The following SUB1 variants were observed in gnomAD, a reference collection of about 807,000 sequenced individuals.
SUB1 encodes SUB1 regulator of transcription.
A neutral mutation model predicts 16.9 loss-of-function variants in SUB1; 1 was observed. The ratio of observed to expected loss-of-function variants is 0.06; its 90% CI spans 0.02 to 0.28. SUB1 has a LOEUF of 0.28. Ranked by LOEUF, SUB1 falls within the 10% of genes least tolerant of loss-of-function variation. The pLI is 1.00. For synonymous variants in SUB1, 51 were observed against 46.9 expected, an observed-to-expected ratio of 1.09 and a Z score of -0.36; for missense variants, 84 against 145.2, an observed-to-expected ratio of 0.58 and a Z score of 2.16.
At position 32,596,021 on chromosome 5, in the gene SUB1, T is replaced by C. The variant is rs1738953779; in HGVS notation, c.196-2940T>C. On this transcript the variant is annotated intron_variant, in intron 3 of 4. Transcript: ENST00000265073. Reference sequence around the variant, plus strand: ...TTGAGTTGTAACACTTTATATATTTTGTCAGATGTAAGTATAATTAATATT... The same window carrying C: ...TTGAGTTGTAACACTTTATATATTTCGTCAGATGTAAGTATAATTAATATT... The C allele has an allele frequency of 3.9e-5, 6 of 152,194 alleles. No homozygotes were observed. The South Asian group carries it at 1.2e-3, about 32-fold the overall frequency. The allele number at this position is 152,194 out of a possible 1,614,324, so 9.4% of individuals were successfully genotyped here.
intron 3 of SUB1, among the ~76,000 whole-genome samples, chr5:32,591,976 G>A (rs1682833742): frequency 6.6e-6 from 1 of 152,196 alleles, no homozygotes; most frequent in Non-Finnish European, 1.5e-5. Context: ...GGGTTTACAG[G>A]TGTGAGCCAC....
chr5:32,589,782 T>C (rs1012130707), intron 2 of SUB1, among the ~76,000 whole-genome samples: 3 of 152,168 alleles, frequency 2.0e-5, no homozygotes, highest in Non-Finnish European at 4.4e-5. Flanking sequence ...CTTTGTAAAA[T>C]AGTAAGTAAT....
intron 3 of SUB1, 158 bp from the exon 4 acceptor site, chr5:32,598,803 A>T: frequency 1.8e-6 from 1 of 565,270 alleles, no homozygotes; most frequent in Non-Finnish European, 3.1e-6. Flanking sequence ...TATAAGTGGG[A>T]CCTGCACAGT....
rs17850527 is a variant in SUB1, at chr5:32,588,543, A to G, written c.31A>G (p.Ser11Gly). Reference protein sequence around the residue: MPKSKELVSSSSSGSDSDSEV... With the variant: MPKSKELVSSGSSGSDSDSEV... ...TAAATCAAAGGAACTTGTTTCTTCA[A>G]GCTCTTCTGGCAGTGATTCTGACAG... is the stretch of plus-strand genomic sequence containing the variant. The change falls in exon 2 of 5, where the codon AGC becomes GGC. Residue 11 changes from serine to glycine, a missense_variant. Around this residue, in one of 2 missense-constraint regions of SUB1, gnomAD observed 60 missense variants for 64.9 expected, o/e 0.92. Coordinates refer to ENST00000265073, the MANE Select transcript of SUB1 (RefSeq NM_006713.4). 2 of 1,613,182 alleles carry G rather than the reference A, an allele frequency of 1.2e-6. No homozygotes were observed. Among genetic ancestry groups the G allele is most frequent in the Non-Finnish European group, 8.5e-7 (1 of 1,179,566 alleles).
chr5:32,587,470 G>C (rs1738702153), intron 1 of SUB1, among the ~76,000 whole-genome samples: 1 of 152,144 alleles, frequency 6.6e-6, no homozygotes, highest in Non-Finnish European at 1.5e-5. Context: ...GAAGTTACCA[G>C]CATGGTAGGA....
rs569347157 is a variant in SUB1, at chr5:32,602,374, C to G, written c.*1290C>G. The G allele has an allele frequency of 3.2e-6, 1 of 317,080 alleles. No homozygotes were observed. Among genetic ancestry groups the G allele is most frequent in the African/African-American group, 2.2e-5 (1 of 46,066 alleles). The allele number at this position is 317,080 out of a possible 1,614,324, so 19.6% of individuals were successfully genotyped here. The stretch of plus-strand genomic sequence containing the variant: ...ATATGATATTTTGAGATTTTTATAA[C>G]AGCAGTGGAACACAATTCTAGGTAG... On this transcript the variant is annotated 3_prime_UTR_variant, in exon 5 of 5. Coordinates refer to ENST00000265073, the MANE Select transcript of SUB1 (RefSeq NM_006713.4).
chr5:32,591,474 T>A, intron 2 of SUB1, 89 bp from the exon 3 acceptor site: 1 of 1,437,620 alleles, frequency 7.0e-7, no homozygotes. Flanking sequence ...GTCTTTTGAT[T>A]GTTTAAATCT....
At chr5:32,600,496 AAAGT>A (rs1299909839) in intron 4 of SUB1, among the ~76,000 whole-genome samples, 2 of 152,244 alleles carry the variant, frequency 1.3e-5, no homozygotes, top group African/African-American at 4.8e-5. Flanking sequence ...TGCACTGTGG[AAAGT>A]AAGACTGGAT....
At chr5:32,600,487 G>A (rs1227786888) in intron 4 of SUB1, among the ~76,000 whole-genome samples, 2 of 152,194 alleles carry the variant, frequency 1.3e-5, no homozygotes, top group Non-Finnish European at 2.9e-5. Flanking sequence ...TATGCAGGAT[G>A]CACTGTGGAA....
At position 32,601,405 on chromosome 5, in the gene SUB1, T is replaced by G. The variant is rs1023495063; in HGVS notation, c.*321T>G. ...AAAAGTAACAGTTTTTATAGATCTT[T>G]TAGTTTCAACTCAGCTTTTACAATA... On this transcript the variant is annotated 3_prime_UTR_variant, in exon 5 of 5. Coordinates refer to ENST00000265073, the MANE Select transcript of SUB1 (RefSeq NM_006713.4). 1.0e-5 allele frequency: 2 copies of G among 200,594 alleles called. No homozygotes were observed. The highest frequency in any genetic ancestry group is 2.0e-5 in the Non-Finnish European group (2 of 100,738). The allele number at this position is 200,594 out of a possible 1,614,324, so 12.4% of individuals were successfully genotyped here.
chr5:32,597,430 CCT>C (rs1036949218), intron 3 of SUB1: 103 of 151,662 alleles, frequency 6.8e-4, no homozygotes, highest in African/African-American at 2.4e-3. Context: ...TTCCACCCCC[CCT>C]CTCCCATTTT....
rs186749563 is a variant in SUB1 at position 32,602,070 on chromosome 5, T to C, written c.*986T>C. The C allele has an allele frequency of 1.3e-5, 4 of 303,102 alleles. No homozygotes were observed. The highest frequency in any genetic ancestry group is 2.6e-5 in the Non-Finnish European group (4 of 151,842). 18.8% of individuals were successfully genotyped at this position (303,102 alleles called of 1,614,324 possible). On this transcript the variant is annotated 3_prime_UTR_variant, in exon 5 of 5. Coordinates refer to ENST00000265073, the MANE Select transcript of SUB1 (RefSeq NM_006713.4). ...TGGTTAGTTTGTAGGGAAAAGAGCA[T>C]ATGAGCACATGCTTGTGTATTTTGG...
chr5:32,592,001 G>A (rs1445767478), intron 3 of SUB1, among the ~76,000 whole-genome samples: 1 of 152,182 alleles, frequency 6.6e-6, no homozygotes, highest in Non-Finnish European at 1.5e-5. Context: ...CCTTGCCAAA[G>A]TTGGCTGTTT....
intron 4 of SUB1, among the ~76,000 whole-genome samples, chr5:32,599,291 A>C (rs1739057759): frequency 6.6e-6 from 1 of 152,214 alleles, no homozygotes; most frequent in Non-Finnish European, 1.5e-5. Flanking sequence ...TAACACCCCT[A>C]ATATCACTTC....
chr5:32,602,111 A>G lies in SUB1; in HGVS notation c.*1027A>G, dbSNP rs781049528. On this transcript the variant is annotated 3_prime_UTR_variant, in exon 5 of 5. Transcript: ENST00000265073. The stretch of plus-strand genomic sequence containing the variant: ...TGTATTTTGGCCTTTGCCCCAGTAG[A>G]ACAGACCAATGGCATTCTAGACTTG... The G allele has an allele frequency of 3.4e-5, 14 of 414,762 alleles. No individual in the cohort carries two copies. Among genetic ancestry groups the G allele is most frequent in the Non-Finnish European group, 5.7e-5 (12 of 208,730 alleles). The allele number at this position is 414,762 out of a possible 1,614,324, so 25.7% of individuals were successfully genotyped here.
intron 3 of SUB1, 37 bp downstream of exon 3, chr5:32,591,722 A>G (rs1738831967): frequency 7.0e-7 from 1 of 1,433,648 alleles, no homozygotes; most frequent in Non-Finnish European, 9.4e-7. Flanking sequence ...TTTTTTTGAC[A>G]TGGAGTCATG....
intron 2 of SUB1, 80 bp downstream of exon 2, chr5:32,588,664 G>A: frequency 7.2e-7 from 1 of 1,386,062 alleles, no homozygotes; most frequent in Non-Finnish European, 9.9e-7. Context: ...AGTAAAAGGT[G>A]TATTAACATC....
chr5:32,602,384 A>G lies in SUB1; in HGVS notation c.*1300A>G. 2 of 311,922 alleles carry G rather than the reference A, an allele frequency of 6.4e-6. No individual in the cohort carries two copies. Among genetic ancestry groups the G allele is most frequent in the Non-Finnish European group, 1.3e-5 (2 of 157,410 alleles). The allele number at this position is 311,922 out of a possible 1,614,324, so 19.3% of individuals were successfully genotyped here. Reference sequence around the variant, plus strand: ...TTGAGATTTTTATAACAGCAGTGGAACACAATTCTAGGTAGAGTAGAAAAA... The same window carrying G: ...TTGAGATTTTTATAACAGCAGTGGAGCACAATTCTAGGTAGAGTAGAAAAA... On this transcript the variant is annotated 3_prime_UTR_variant, in exon 5 of 5. Transcript: ENST00000265073.
chr5:32,599,875 C>T (rs1739073756), intron 4 of SUB1, among the ~76,000 whole-genome samples: 1 of 151,962 alleles, frequency 6.6e-6, no homozygotes, highest in Admixed American at 6.6e-5. Flanking sequence ...ATACTTTCTG[C>T]CAGTTCTTGT....
Sources: allele counts gnomAD v4.1 joint callset (sites outside exome capture counted in the v4.1 genomes callset), GRCh38; gene constraint gnomAD v4.1.1; regional missense constraint gnomAD v4.1.1; transcripts MANE v1.5; gene names NCBI Gene and HGNC (gene_info 2026-07-23, HGNC 2026-07-21).